SH3BGR: variants seen among roughly 807,000 people sequenced by gnomAD.
The protein encoded by SH3BGR is SH3 domain binding glutamate rich protein.
SH3BGR carries 29 observed loss-of-function variants against 24.5 expected under a neutral mutation model. The ratio of observed to expected loss-of-function variants is 1.18; its 90% confidence interval spans 0.88 to 1.61. The LOEUF is 1.61. Ranked by LOEUF, SH3BGR falls within the 40% of genes most tolerant of loss-of-function variation. The pLI is 0.00. For missense variants in SH3BGR, 162 were observed against 205.8 expected (o/e 0.79, Z 1.30); for synonymous variants, 55 against 65.7 (o/e 0.84, Z 0.79).
chr21:39,482,183 A>G (rs566039016), intron 3 of SH3BGR, among the ~76,000 whole-genome samples: 1 of 152,370 alleles, frequency 6.6e-6, no homozygotes, highest in African/African-American at 2.4e-5. Flanking sequence ...AAAAACACAG[A>G]GGAAGAGGAG....
At chr21:39,479,190 C>T (rs760783365) in intron 3 of SH3BGR, among the ~76,000 whole-genome samples, 4 of 148,286 alleles carry the variant, frequency 2.7e-5, no homozygotes, top group Admixed American at 6.7e-5. Context: ...GGCAACATAA[C>T]GAGGCTATGT....
intron 6 of SH3BGR, among the ~76,000 whole-genome samples, chr21:39,514,514 A>G (rs561694017): frequency 1.4e-4 from 22 of 152,276 alleles, no homozygotes; most frequent in African/African-American, 5.1e-4. Context: ...GGCACGCACT[A>G]CTATGCCTGG....
chr21:39,492,466 G>GTGTGTGTATA (rs1404293146), intron 3 of SH3BGR, among the ~76,000 whole-genome samples: 96 of 139,770 alleles, frequency 6.9e-4, no homozygotes, highest in African/African-American at 2.4e-3. Context: ...GTGTGTGTGT[G>GTGTGTGTATA]TATATATATA....
At chr21:39,510,665 C>T (rs149381152) in intron 5 of SH3BGR, among the ~76,000 whole-genome samples, 12 of 151,974 alleles carry the variant, frequency 7.9e-5, no homozygotes, top group East Asian at 7.8e-4. Context: ...TCAATATTTA[C>T]GTCTTTCCAA....
chr21:39,449,927 A>G (rs1023596325), upstream of SH3BGR, among the ~76,000 whole-genome samples: 10 of 152,208 alleles, frequency 6.6e-5, no homozygotes, highest in African/African-American at 2.4e-4. Context: ...TTGAGTAGGA[A>G]ATTAATTTCT....
intron 1 of SH3BGR, among the ~76,000 whole-genome samples, chr21:39,458,470 C>T (rs9979879): frequency 9.9e-5 from 15 of 151,802 alleles, no homozygotes; most frequent in East Asian, 3.9e-4. Context: ...TCCTGAGTAG[C>T]GGGATTACAG....
At position 39,515,077 on chromosome 21, in the gene SH3BGR, T is replaced by G; in HGVS notation, c.*35-11T>G. 2 of 469,352 alleles carry G rather than the reference T, an allele frequency of 4.3e-6. No individual in the cohort carries two copies. Among genetic ancestry groups the G allele is most frequent in the Non-Finnish European group, 4.4e-6 (1 of 226,254 alleles). 29.1% of individuals were successfully genotyped at this position (469,352 alleles called of 1,614,324 possible). A position where few individuals can be genotyped will look rare whatever the true frequency, so the allele number is the denominator to read the frequency against. ...CTACAGTCTTTCCCTAATATTTGCC[T>G]TTTCTTTTAGAAAATGGAAGCTATG... On this transcript the variant is annotated splice_polypyrimidine_tract_variant and intron_variant, in intron 6 of 6. Coordinates refer to ENST00000333634, the MANE Select transcript of SH3BGR (RefSeq NM_007341.3).
chr21:39,448,097 C>G (rs1207194973), upstream of SH3BGR, among the ~76,000 whole-genome samples: 1 of 152,166 alleles, frequency 6.6e-6, no homozygotes, highest in African/African-American at 2.4e-5. Flanking sequence ...GGGTGTTCTT[C>G]TCTGTGTCTC....
intron 2 of SH3BGR, among the ~76,000 whole-genome samples, chr21:39,471,103 T>G (rs1204466349): frequency 2.6e-5 from 4 of 152,198 alleles, no homozygotes; most frequent in African/African-American, 7.2e-5. Flanking sequence ...TCTTCTTCTG[T>G]CCATTCTGTC....
At chr21:39,468,909 TG>T (rs1235345591) in intron 2 of SH3BGR, among the ~76,000 whole-genome samples, 6 of 152,216 alleles carry the variant, frequency 3.9e-5, no homozygotes, top group African/African-American at 1.4e-4. Context: ...TTCTTCTCTG[TG>T]GGAAATGTTT....
At chr21:39,458,246 G>C (rs767680510) in intron 1 of SH3BGR, among the ~76,000 whole-genome samples, 1 of 151,756 alleles carries the variant, frequency 6.6e-6, no homozygotes, top group Non-Finnish European at 1.5e-5. Flanking sequence ...TATATGAGAT[G>C]GTATTCTATT....
chr21:39,503,315 A>G (rs2123518623), intron 4 of SH3BGR, among the ~76,000 whole-genome samples: 1 of 152,330 alleles, frequency 6.6e-6, no homozygotes, highest in African/African-American at 2.4e-5. Context: ...CAACTTCCCC[A>G]AATGGTGACA....
At chr21:39,463,079 TC>T (rs2077781569) in intron 2 of SH3BGR, among the ~76,000 whole-genome samples, 2 of 152,302 alleles carry the variant, frequency 1.3e-5, no homozygotes, top group African/African-American at 4.8e-5. Context: ...AGACAGGGTC[TC>T]CCTATGTTGC....
intron 2 of SH3BGR, among the ~76,000 whole-genome samples, chr21:39,470,503 C>T (rs1430140313): frequency 6.6e-6 from 1 of 152,160 alleles, no homozygotes; most frequent in African/African-American, 2.4e-5. Context: ...CTCAGATGAT[C>T]CGCCCACCTT....
chr21:39,475,683 T>A (rs1402734374), intron 3 of SH3BGR, among the ~76,000 whole-genome samples: 1 of 152,216 alleles, frequency 6.6e-6, no homozygotes, highest in Non-Finnish European at 1.5e-5. Flanking sequence ...AAGATCTCGA[T>A]TCAACGACAA....
intron 3 of SH3BGR, among the ~76,000 whole-genome samples, chr21:39,485,686 CTTT>C (rs71330369): frequency 6.9e-5 from 8 of 116,738 alleles, no homozygotes; most frequent in Admixed American, 1.9e-4. Flanking sequence ...AAGTTGTTTT[CTTT>C]TTTTTTTTTT....
At chr21:39,495,688 G>A (rs2078382376) in intron 3 of SH3BGR, among the ~76,000 whole-genome samples, 1 of 151,954 alleles carries the variant, frequency 6.6e-6, no homozygotes. Context: ...TTGCTATGTT[G>A]CCCAGGCTAG....
chr21:39,491,531 AG>A, intron 3 of SH3BGR: 1 of 266,196 alleles, frequency 3.8e-6, no homozygotes. Context: ...CAGTCTTCTA[AG>A]GCCTCAGCTA....
At chr21:39,494,529 A>ATG (rs902961706) in intron 3 of SH3BGR, among the ~76,000 whole-genome samples, 10 of 151,774 alleles carry the variant, frequency 6.6e-5, no homozygotes, top group African/African-American at 2.2e-4. Context: ...AACACCTTGG[A>ATG]TGTGTTTTTT....
Sources: gnomAD v4.1 joint callset for allele counts (sites outside exome capture counted in the v4.1 genomes callset) on GRCh38, gnomAD v4.1.1 for gene constraint, MANE v1.5 for transcripts, NCBI Gene and HGNC (gene_info 2026-07-23, HGNC 2026-07-21) for gene names.